The following GC variants were observed in gnomAD, a reference collection of about 807,000 sequenced individuals.
GC encodes the protein GC vitamin D binding protein.
Under a neutral mutation model 56.7 loss-of-function variants are expected in GC, and 43 were observed. The observed-to-expected ratio is 0.76, with a 90% CI of 0.59 to 0.98. The LOEUF (loss-of-function observed/expected upper bound fraction) is 0.98, where lower values mean the gene tolerates loss of function less well. GC is among the 50% of genes least tolerant of loss of function. GC has a pLI of 0.00. For synonymous variants in GC, 216 were observed against 202.7 expected (o/e 1.07, Z -0.56); for missense variants, 529 against 545.9 (o/e 0.97, Z 0.31).
intron 1 of GC, among the ~76,000 whole-genome samples, chr4:71,791,929 C>G (rs1742979013): frequency 6.6e-6 from 1 of 152,182 alleles, no homozygotes; most frequent in African/African-American, 2.4e-5. Context: ...GCTTTTCTGT[C>G]CTTGTGATAG....
At chr4:71,745,607 C>T (rs1199490012) in intron 12 of GC, among the ~76,000 whole-genome samples, 7 of 152,014 alleles carry the variant, frequency 4.6e-5, no homozygotes, top group Non-Finnish European at 8.8e-5. Context: ...CAGAGTTCGG[C>T]GGGGGTGCTC....
chr4:71,788,529 A>G (rs1366656987), upstream of GC, among the ~76,000 whole-genome samples: 1 of 151,874 alleles, frequency 6.6e-6, no homozygotes, highest in Non-Finnish European at 1.5e-5. Context: ...CCAAATAACC[A>G]TAACTTTCCC....
At chr4:71,757,669 A>G (rs1286501687) in intron 7 of GC, among the ~76,000 whole-genome samples, 1 of 152,202 alleles carries the variant, frequency 6.6e-6, no homozygotes, top group Non-Finnish European at 1.5e-5. Context: ...GTGTAACTGA[A>G]GAACTGAATT....
At chr4:71,797,687 A>T (rs1743141389) in intron 1 of GC, among the ~76,000 whole-genome samples, 1 of 152,226 alleles carries the variant, frequency 6.6e-6, no homozygotes, top group South Asian at 2.1e-4. Context: ...CCACTGTCCA[A>T]CCAGTCCCAA....
chr4:71,792,113 C>A (rs982546887), intron 1 of GC, among the ~76,000 whole-genome samples: 1 of 152,142 alleles, frequency 6.6e-6, no homozygotes, highest in African/African-American at 2.4e-5. Context: ...GTGAATAGTG[C>A]TGCAATAAAC....
At chr4:71,786,637 T>G (rs113356823), upstream of GC, among the ~76,000 whole-genome samples, 152 of 151,944 alleles carry the variant, frequency 1.0e-3, 1 homozygote, top group African/African-American at 3.6e-3. Context: ...TCTTCCTAAC[T>G]AGGGCTAGTT....
rs190616861 is a variant in GC at position 71,756,014 on chromosome 4, T to C, written c.1034+698A>G. Among the ~76,000 whole-genome samples, 1,042 of 152,276 alleles carry C rather than the reference T, an allele frequency of 6.8e-3. 17 individuals carry two copies. Among genetic ancestry groups the C allele is most frequent in the African/African-American group, 0.024 (996 of 41,548 alleles). On this transcript the variant is annotated intron_variant, in intron 8 of 12. Coordinates refer to ENST00000273951, the MANE Select transcript of GC (RefSeq NM_000583.4). The stretch of plus-strand genomic sequence containing the variant: ...AACCATGGTATATTTTTAACTTACT[T>C]TTTTTTAGTTGGATGAAACAGGATA...
chr4:71,765,466 C>A lies in GC; in HGVS notation c.439G>T (p.Ala147Ser). Reference protein sequence around the residue: ...VEPTNDEICEAFRKDPKEYAN... With the variant: ...VEPTNDEICESFRKDPKEYAN... ...TATTCCTTTGGATCTTTCCTGAACGCCTCACAGATTTCATCATTTGTGGGT... is the reference window on the plus strand; with the variant it reads ...TATTCCTTTGGATCTTTCCTGAACGACTCACAGATTTCATCATTTGTGGGT... The change falls in exon 4 of 13, where the codon GCG becomes TCG. Residue 147 changes from alanine (A) to serine (S), a missense_variant. Transcript: ENST00000273951. The A allele has an allele frequency of 6.2e-7, 1 of 1,613,890 alleles. No individual in the cohort carries two copies. The highest frequency in any genetic ancestry group is 8.5e-7 in the Non-Finnish European group (1 of 1,179,912).
At chr4:71,798,605 C>T (rs182615164) in intron 1 of GC, among the ~76,000 whole-genome samples, 1 of 152,270 alleles carries the variant, frequency 6.6e-6, no homozygotes, top group Admixed American at 6.5e-5. Flanking sequence ...ACTGGGGGGA[C>T]TCATTCTCCA....
In GC at chr4:71,755,107, C is replaced by T. The variant is rs149359930; in HGVS notation, c.1035G>A (p.Lys345=). 1.2e-4 allele frequency: 180 copies of T among 1,523,378 alleles called. No homozygotes were observed. The highest frequency in any genetic ancestry group is 1.2e-4 in the Non-Finnish European group (134 of 1,124,504). The allele number at this position is 1,523,378 out of a possible 1,614,324, so 94.4% of individuals were successfully genotyped here. ...CDPGNTKVMD[K]YTFELSRRTH... ...TCCTTCTGCTTAGTTCAAATGTATA[C>T]CTAGCATGAGGGAGAAAAGGAGATA... The change falls in exon 9 of 13, where the codon AAG becomes AAA. Residue 345 remains lysine, a splice_region_variant and synonymous_variant. Coordinates refer to ENST00000273951, the MANE Select transcript of GC (RefSeq NM_000583.4).
intron 12 of GC, among the ~76,000 whole-genome samples, chr4:71,742,626 A>G (rs1247128198): frequency 6.6e-6 from 1 of 152,210 alleles, no homozygotes; most frequent in Non-Finnish European, 1.5e-5. Context: ...CAGAGGGACT[A>G]CTACTTGCTT....
chr4:71,749,922 T>C (rs1038829833), intron 11 of GC, among the ~76,000 whole-genome samples: 3 of 152,104 alleles, frequency 2.0e-5, no homozygotes, highest in African/African-American at 7.2e-5. Flanking sequence ...AGAGTGTAAA[T>C]ATGGAAATTA....
At chr4:71,751,495 T>C (rs222039) in intron 11 of GC, among the ~76,000 whole-genome samples, 151,948 of 152,342 alleles carry the variant, frequency 1, 75,777 homozygotes, top group Middle Eastern at 1. Context: ...ACAAAAAGGT[T>C]TGGCCAGAAC....
At chr4:71,788,731 G>A (rs923337065), upstream of GC, among the ~76,000 whole-genome samples, 9 of 151,542 alleles carry the variant, frequency 5.9e-5, no homozygotes, top group African/African-American at 1.9e-4. Context: ...GAAAGAAATT[G>A]AAAATAGAAT....
chr4:71,779,764 C>G (rs890591817), intron 1 of GC, among the ~76,000 whole-genome samples: 1 of 151,726 alleles, frequency 6.6e-6, no homozygotes, highest in Non-Finnish European at 1.5e-5. Context: ...CACCTGATAT[C>G]AGTAAGATGA....
chr4:71,744,364 C>A (rs890217839), intron 12 of GC, among the ~76,000 whole-genome samples: 19 of 143,060 alleles, frequency 1.3e-4, no homozygotes, highest in East Asian at 4.1e-4. Context: ...GAGGCTGAGG[C>A]AGGAGAATGG....
intron 12 of GC, among the ~76,000 whole-genome samples, chr4:71,744,353 G>A (rs1189748900): frequency 2.0e-5 from 3 of 150,542 alleles, no homozygotes; most frequent in Non-Finnish European, 4.4e-5. Flanking sequence ...CAGCTCCTCG[G>A]GAGGCTGAGG....
At chr4:71,802,294 G>A (rs964609226) in intron 1 of GC, among the ~76,000 whole-genome samples, 2 of 152,104 alleles carry the variant, frequency 1.3e-5, no homozygotes, top group African/African-American at 2.4e-5. Context: ...TTATTTTTGT[G>A]TATCCTTTTC....
intron 1 of GC, among the ~76,000 whole-genome samples, chr4:71,794,767 T>C (rs1743056029): frequency 6.6e-6 from 1 of 152,224 alleles, no homozygotes; most frequent in Admixed American, 6.5e-5. Context: ...TGATTTTTTA[T>C]CTTTCCTGCT....
Sources: allele counts gnomAD v4.1 joint callset (sites outside exome capture counted in the v4.1 genomes callset), GRCh38; gene constraint gnomAD v4.1.1; transcripts MANE v1.5; gene names NCBI Gene and HGNC (gene_info 2026-07-23, HGNC 2026-07-21).